IQGAP2: variants seen among roughly 807,000 people sequenced by gnomAD.
The protein encoded by IQGAP2 is ras GTPase-activating-like protein IQGAP2.
Under a neutral mutation model 201.3 loss-of-function variants are expected in IQGAP2, and 173 were observed. The observed-to-expected ratio is 0.86, with a 90% confidence interval of 0.76 to 0.98. The LOEUF is 0.98. Among genes scored for constraint, IQGAP2 ranks in the 50% least tolerant of loss-of-function variants. The pLI is 0.00. For missense variants in IQGAP2, 1,687 were observed against 1,864.8 expected (o/e 0.90, Z 1.76); for synonymous variants, 675 against 673.9 (o/e 1.00, Z -0.03).
At chr5:76,612,181 T>C (rs1267838369) in intron 13 of IQGAP2, among the ~76,000 whole-genome samples, 1 of 152,094 alleles carries the variant, frequency 6.6e-6, no homozygotes, top group Non-Finnish European at 1.5e-5. Flanking sequence ...AAGTAACTTG[T>C]TGAAAGCTAT....
intron 2 of IQGAP2, among the ~76,000 whole-genome samples, chr5:76,549,590 TAAAC>T (rs547073335): frequency 1.4e-4 from 22 of 152,132 alleles, no homozygotes; most frequent in Non-Finnish European, 2.9e-4. Context: ...TTGGGAGGCT[TAAAC>T]AACAGAAATT....
chr5:76,677,172 A>T (rs1400447884), intron 27 of IQGAP2, 46 bp from the exon 28 acceptor site: 2 of 1,574,760 alleles, frequency 1.3e-6, no homozygotes, highest in East Asian at 4.5e-5. Context: ...AAACTGTTTA[A>T]TGCACATGTT....
chr5:76,605,031 C>T (rs560578069), intron 11 of IQGAP2, among the ~76,000 whole-genome samples: 4 of 152,198 alleles, frequency 2.6e-5, no homozygotes, highest in African/African-American at 9.6e-5. Flanking sequence ...CAGAGTGACT[C>T]ATTATGTACA....
At chr5:76,618,185 A>G (rs754654835) in intron 13 of IQGAP2, 4 of 1,614,210 alleles carry the variant, frequency 2.5e-6, no homozygotes, top group Admixed American at 1.7e-5. Context: ...ACATGTTGCC[A>G]TAGAAGATGA....
intron 1 of IQGAP2, among the ~76,000 whole-genome samples, chr5:76,431,918 A>G (rs1580176364): frequency 6.6e-6 from 1 of 151,534 alleles, no homozygotes; most frequent in Non-Finnish European, 1.5e-5. Flanking sequence ...ATGTGTGGTG[A>G]TTCCAAATGA....
At chr5:76,647,486 T>A (rs1313338581) in intron 17 of IQGAP2, among the ~76,000 whole-genome samples, 1 of 150,836 alleles carries the variant, frequency 6.6e-6, no homozygotes. Flanking sequence ...GGGGGCGGTT[T>A]CCCCCATACT....
intron 9 of IQGAP2, among the ~76,000 whole-genome samples, chr5:76,594,749 G>A (rs1246200394): frequency 2.0e-5 from 3 of 152,052 alleles, no homozygotes; most frequent in African/African-American, 4.8e-5. Flanking sequence ...GGTGGATCAC[G>A]AGGTCAAGCG....
chr5:76,635,037 A>G (rs2432180), intron 15 of IQGAP2, among the ~76,000 whole-genome samples: 86,880 of 152,076 alleles, frequency 0.57, 24,906 homozygotes, highest in South Asian at 0.62. Flanking sequence ...CCTATTACCT[A>G]CTGACATCCT....
intron 9 of IQGAP2, 38 bp downstream of exon 9, chr5:76,592,963 G>T (rs3736394): frequency 2.3e-6 from 3 of 1,331,994 alleles, no homozygotes; most frequent in Non-Finnish European, 3.2e-6. Context: ...TGATATTTCC[G>T]TAAGATACAG....
At chr5:76,661,039 GA>G (rs1236620374) in intron 21 of IQGAP2, among the ~76,000 whole-genome samples, 1 of 151,934 alleles carries the variant, frequency 6.6e-6, no homozygotes, top group East Asian at 1.9e-4. Context: ...TAATCCAGAA[GA>G]AGAAAGAAGT....
intron 1 of IQGAP2, among the ~76,000 whole-genome samples, chr5:76,453,890 T>G (rs1010648172): frequency 4.2e-4 from 64 of 152,328 alleles, no homozygotes; most frequent in African/African-American, 1.4e-3. Flanking sequence ...TAGTAGAAGC[T>G]TATCCAAACT....
At chr5:76,496,702 C>CTCTTTCTTTCTT (rs1225103131) in intron 2 of IQGAP2, among the ~76,000 whole-genome samples, 18 of 81,060 alleles carry the variant, frequency 2.2e-4, no homozygotes, top group African/African-American at 8.7e-4. Context: ...TTCTTTCTGT[C>CTCTTTCTTTCTT]TCTTTCTTTC....
At chr5:76,693,500 C>T in intron 31 of IQGAP2, 58 bp downstream of exon 31, 3 of 1,099,242 alleles carry the variant, frequency 2.7e-6, no homozygotes, top group South Asian at 2.6e-5. Context: ...CTTCATAAAT[C>T]TTTATGCCAT....
At chr5:76,685,874 G>A (rs1745694194) in intron 30 of IQGAP2, among the ~76,000 whole-genome samples, 1 of 152,174 alleles carries the variant, frequency 6.6e-6, no homozygotes, top group Non-Finnish European at 1.5e-5. Context: ...CTGTTGTCTA[G>A]TTCCAGAACA....
Position 76,654,210 on chromosome 5 carries a change from G to C in IQGAP2, c.2189G>C (p.Trp730Ser). 1 of 1,607,648 alleles carries C rather than the reference G, an allele frequency of 6.2e-7. No homozygotes were observed. Among genetic ancestry groups the C allele is most frequent in the South Asian group, 1.1e-5 (1 of 90,250 alleles). Residue 730 changes from tryptophan to serine, a missense_variant, in exon 19 of 36, where the codon TGG (tryptophan) becomes TCG (serine). By Grantham distance (177) the Trp-to-Ser change is radical. Coordinates refer to ENST00000274364, the MANE Select transcript of IQGAP2 (RefSeq NM_006633.5). ...NTDSIVKIQSWFRMATARKSY... is the reference protein window; with the variant it reads ...NTDSIVKIQSSFRMATARKSY... ...TTTAAAACCTTTCAGATTCAGTCCTGGTTCCGAATGGCAACTGCAAGAAAG... is the reference window on the plus strand; with the variant it reads ...TTTAAAACCTTTCAGATTCAGTCCTCGTTCCGAATGGCAACTGCAAGAAAG...
At chr5:76,447,918 G>A (rs1753495092) in intron 1 of IQGAP2, among the ~76,000 whole-genome samples, 2 of 152,164 alleles carry the variant, frequency 1.3e-5, no homozygotes, top group South Asian at 4.1e-4. Context: ...ATTGGACTTT[G>A]AGCTGTGCCC....
At chr5:76,562,203 T>A (rs1744423412) in intron 2 of IQGAP2, among the ~76,000 whole-genome samples, 193 bp from the exon 3 acceptor site, 1 of 152,188 alleles carries the variant, frequency 6.6e-6, no homozygotes, top group Admixed American at 6.5e-5. Context: ...TGGGCTTTCA[T>A]TCCCCCTGTT....
chr5:76,689,230 T>TAAAAAAAAAAAAAAAAA (rs11424254), intron 30 of IQGAP2, among the ~76,000 whole-genome samples: 1 of 86,492 alleles, frequency 1.2e-5, no homozygotes, highest in Non-Finnish European at 2.1e-5. Context: ...CAGGGATATT[T>TAAAAAAAAAAAAAAAAA]AAAAAAAAAA....
At chr5:76,700,987 G>A in intron 33 of IQGAP2, 89 bp from the exon 34 acceptor site, 1 of 1,374,836 alleles carries the variant, frequency 7.3e-7, no homozygotes, top group East Asian at 2.4e-5. Context: ...GGTATGAACA[G>A]CGATGTCACT....
Sources: allele counts gnomAD v4.1 joint callset (sites outside exome capture counted in the v4.1 genomes callset), GRCh38; gene constraint gnomAD v4.1.1; transcripts MANE v1.5; gene names NCBI Gene and HGNC (gene_info 2026-07-23, HGNC 2026-07-21).